SLC12A2: variants seen among roughly 807,000 people sequenced by gnomAD.
SLC12A2 encodes solute carrier family 12 member 2.
SLC12A2 carries 67 observed loss-of-function variants against 136.3 expected under a neutral mutation model. The observed-to-expected ratio is 0.49, with a 90% CI of 0.40 to 0.60. The LOEUF (loss-of-function observed/expected upper bound fraction) is 0.60, where lower values mean the gene tolerates loss of function less well. SLC12A2 is among the 20% of genes least tolerant of loss of function. The pLI is 0.00. For synonymous variants in SLC12A2, 619 were observed against 562.9 expected (o/e 1.10, Z -1.41); for missense variants, 1,322 against 1,534.7 (o/e 0.86, Z 2.32).
In SLC12A2 at chr5:128,134,218, C is replaced by T. The variant is rs1762114825; in HGVS notation, c.1242C>T (p.Ala414=). 6.2e-7 allele frequency: 1 copy of T among 1,608,326 alleles called. No individual in the cohort carries two copies. Among genetic ancestry groups the T allele is most frequent in the South Asian group, 1.1e-5 (1 of 90,788 alleles). The change falls in exon 6 of 27, where the codon GCC becomes GCT. Residue 414 remains alanine, a synonymous_variant. Coordinates refer to ENST00000262461, the MANE Select transcript of SLC12A2 (RefSeq NM_001046.3). ...DEINDIRIIG[A]ITVVILLGIS... is the part of the protein sequence containing the mutation. ...TCAATGATATCCGAATTATTGGAGC[C>T]ATTACAGTCGTGATTCTTTTAGGTA...
intron 4 of SLC12A2, among the ~76,000 whole-genome samples, chr5:128,120,670 G>T (rs1004305317): frequency 6.1e-4 from 93 of 151,984 alleles, no homozygotes; most frequent in Non-Finnish European, 8.5e-4. Context: ...GAGAACACAT[G>T]GACACAGGAA....
At chr5:128,184,629 G>T (rs1038337349) in intron 25 of SLC12A2, 128 bp downstream of exon 25, 2 of 1,341,340 alleles carry the variant, frequency 1.5e-6, no homozygotes, top group Non-Finnish European at 2.0e-6. Flanking sequence ...TTTATTTGAG[G>T]TTAGTGGAAA....
chr5:128,110,266 C>A (rs1187925885), intron 1 of SLC12A2: 1 of 811,372 alleles, frequency 1.2e-6, no homozygotes, highest in African/African-American at 1.7e-5. Flanking sequence ...GGTGTGGCTC[C>A]ACAGATTCCA....
At chr5:128,089,889 T>G (rs1760247860) in intron 1 of SLC12A2, among the ~76,000 whole-genome samples, 9 of 152,176 alleles carry the variant, frequency 5.9e-5, no homozygotes, top group Admixed American at 5.9e-4. Context: ...GTGTATAGCT[T>G]TAGTCCTTGA....
At chr5:128,132,001 G>T (rs556058186) in intron 5 of SLC12A2, among the ~76,000 whole-genome samples, 1 of 152,268 alleles carries the variant, frequency 6.6e-6, no homozygotes, top group South Asian at 2.1e-4. Flanking sequence ...GTGAAACTCT[G>T]TCTCAAAAAA....
intron 4 of SLC12A2, among the ~76,000 whole-genome samples, 164 bp from the exon 5 acceptor site, chr5:128,130,903 T>C (rs1467944544): frequency 6.6e-6 from 1 of 152,162 alleles, no homozygotes; most frequent in Non-Finnish European, 1.5e-5. Flanking sequence ...TTGTGAAATA[T>C]TCTTTTTAGG....
intron 4 of SLC12A2, among the ~76,000 whole-genome samples, chr5:128,128,334 A>ATAC (rs1761894075): frequency 6.6e-6 from 1 of 152,152 alleles, no homozygotes; most frequent in Non-Finnish European, 1.5e-5. Context: ...GATGGAACTC[A>ATAC]GTATTGTCAC....
intron 3 of SLC12A2, 55 bp from the exon 4 acceptor site, chr5:128,114,531 C>A: frequency 8.3e-7 from 1 of 1,207,518 alleles, no homozygotes; most frequent in South Asian, 1.3e-5. Context: ...TTTTAGATAC[C>A]GATGAGCTTA....
intron 1 of SLC12A2, among the ~76,000 whole-genome samples, chr5:128,099,770 T>C (rs1041561112): frequency 6.6e-6 from 1 of 152,184 alleles, no homozygotes; most frequent in African/African-American, 2.4e-5. Context: ...CTATAAAGGT[T>C]CAAGATCATA....
chr5:128,151,045 A>G (rs1194554008), intron 13 of SLC12A2, among the ~76,000 whole-genome samples, 196 bp from the exon 14 acceptor site: 1 of 151,958 alleles, frequency 6.6e-6, no homozygotes, highest in African/African-American at 2.4e-5. Flanking sequence ...ACCTTTTCAT[A>G]GCCATCAAGA....
chr5:128,145,021 T>C (rs1241640131), intron 10 of SLC12A2, among the ~76,000 whole-genome samples: 1 of 152,122 alleles, frequency 6.6e-6, no homozygotes, highest in African/African-American at 2.4e-5. Flanking sequence ...TCATTATCCT[T>C]GCTGCTGATA....
chr5:128,180,222 G>A (rs1284126908), intron 22 of SLC12A2, among the ~76,000 whole-genome samples: 4 of 151,622 alleles, frequency 2.6e-5, no homozygotes, highest in African/African-American at 4.8e-5. Flanking sequence ...CACCCACCTC[G>A]GCCTCCCAAA....
At chr5:128,184,725 T>C in intron 25 of SLC12A2, 64 bp from the exon 26 acceptor site, 1 of 1,608,138 alleles carries the variant, frequency 6.2e-7, no homozygotes, top group Non-Finnish European at 8.5e-7. Flanking sequence ...CCTTATAGTT[T>C]TATGAACCAT....
chr5:128,153,019 A>G (rs1762753912), intron 15 of SLC12A2, among the ~76,000 whole-genome samples: 1 of 152,186 alleles, frequency 6.6e-6, no homozygotes, highest in Non-Finnish European at 1.5e-5. Flanking sequence ...CTTTTAAATG[A>G]TGGGTATGAT....
intron 10 of SLC12A2, 125 bp from the exon 11 acceptor site, chr5:128,147,497 T>C (rs1457739881): frequency 1.7e-5 from 10 of 597,176 alleles, no homozygotes; most frequent in Non-Finnish European, 2.7e-5. Flanking sequence ...CATAGCGTTG[T>C]TGTTATTATT....
chr5:128,097,392 TTAAAG>T (rs1166671319), intron 1 of SLC12A2, among the ~76,000 whole-genome samples: 6 of 152,202 alleles, frequency 3.9e-5, no homozygotes, highest in African/African-American at 1.4e-4. Context: ...TTATAATACT[TTAAAG>T]TATATGTACC....
At chr5:128,162,835 GCA>G (rs1287003993) in intron 17 of SLC12A2, among the ~76,000 whole-genome samples, 2 of 152,140 alleles carry the variant, frequency 1.3e-5, no homozygotes, top group Non-Finnish European at 2.9e-5. Flanking sequence ...GTTAGAAATG[GCA>G]TAGAGCAAGC....
At chr5:128,152,868 T>C in intron 15 of SLC12A2, 63 bp downstream of exon 15, 1 of 968,216 alleles carries the variant, frequency 1.0e-6, no homozygotes, top group Middle Eastern at 2.1e-4. Flanking sequence ...GTTCTTATTT[T>C]TCATTGACAT....
chr5:128,124,483 T>A (rs555949117), intron 4 of SLC12A2, among the ~76,000 whole-genome samples: 1 of 152,242 alleles, frequency 6.6e-6, no homozygotes, highest in South Asian at 2.1e-4. Context: ...TTTGCTAAAA[T>A]GGCTCCTAGA....
Sources: allele counts gnomAD v4.1 joint callset (sites outside exome capture counted in the v4.1 genomes callset), GRCh38; gene constraint gnomAD v4.1.1; transcripts MANE v1.5; gene names NCBI Gene and HGNC (gene_info 2026-07-23, HGNC 2026-07-21).